The following FANCL variants were observed in gnomAD, a reference collection of about 807,000 sequenced individuals.
FANCL encodes the protein E3 ubiquitin-protein ligase FANCL.
FANCL carries 69 observed loss-of-function variants against 59.4 expected under a neutral mutation model. That is an observed-to-expected ratio of 1.16 (90% CI 0.96 to 1.42). The LOEUF (loss-of-function observed/expected upper bound fraction) is 1.42, where lower values mean the gene tolerates loss of function less well. Ranked by LOEUF, FANCL falls within the 40% of genes most tolerant of loss-of-function variation. FANCL has a pLI of 0.00. For synonymous variants in FANCL, 180 were observed against 147.1 expected (o/e 1.22, Z -1.62); for missense variants, 519 against 447.2 (o/e 1.16, Z -1.45).
chr2:58,238,623 T>G (rs1694237426), intron 1 of FANCL, among the ~76,000 whole-genome samples: 1 of 152,130 alleles, frequency 6.6e-6, no homozygotes, highest in Non-Finnish European at 1.5e-5. Context: ...AGACAACACC[T>G]AAAACTGATT....
intron 7 of FANCL, among the ~76,000 whole-genome samples, chr2:58,187,695 CT>C (rs1668574384): frequency 6.6e-6 from 1 of 151,964 alleles, no homozygotes; most frequent in African/African-American, 2.4e-5. Flanking sequence ...ATTTTGAAAA[CT>C]TTTTACACAT....
chr2:58,163,291 A>G (rs559028388), intron 9 of FANCL, 143 bp downstream of exon 9: 3 of 749,230 alleles, frequency 4.0e-6, no homozygotes, highest in Admixed American at 2.3e-5. Flanking sequence ...ATTACACTAC[A>G]TACTGGGCAA....
chr2:58,217,213 TATACACACACAC>T (rs1204980753), intron 5 of FANCL, among the ~76,000 whole-genome samples: 290 of 7,620 alleles, frequency 0.038, 1 homozygote, highest in South Asian at 0.09. Flanking sequence ...TATATATATA[TATACACACACAC>T]ACACACACAC....
chr2:58,215,056 C>T (rs1422107720), intron 5 of FANCL, among the ~76,000 whole-genome samples: 1 of 152,184 alleles, frequency 6.6e-6, no homozygotes, highest in Non-Finnish European at 1.5e-5. Flanking sequence ...CTGTCCTTGA[C>T]AAACCCTTTC....
chr2:58,181,475 T>G (rs116418157), intron 7 of FANCL, among the ~76,000 whole-genome samples: 3 of 152,056 alleles, frequency 2.0e-5, no homozygotes, highest in African/African-American at 4.8e-5. Flanking sequence ...CTGGAACTTA[T>G]GGAACACTTA....
intron 7 of FANCL, among the ~76,000 whole-genome samples, chr2:58,169,285 A>G (rs1423415835): frequency 6.6e-6 from 1 of 152,202 alleles, no homozygotes. Flanking sequence ...GTGGACCTCC[A>G]GCAAAATCCA....
chr2:58,231,542 T>C (rs1392855275), intron 2 of FANCL, among the ~76,000 whole-genome samples: 1 of 152,184 alleles, frequency 6.6e-6, no homozygotes, highest in Admixed American at 6.5e-5. Flanking sequence ...CTGGATTCCT[T>C]TTCCTCCATT....
chr2:58,165,824 T>C lies in FANCL; in HGVS notation c.591A>G (p.Leu197=), dbSNP rs1320380833. The change falls in exon 8 of 14, where the codon CTA becomes CTG. Residue 197 remains leucine (L), a synonymous_variant. Transcript: ENST00000233741. ...CATCCATAACATCCCAGAATGCCTTTAGTGATTCTATTGCTGCCAAAAACT... is the reference window on the plus strand; with the variant it reads ...CATCCATAACATCCCAGAATGCCTTCAGTGATTCTATTGCTGCCAAAAACT... ...YSQFLAAIES[L]KAFWDVMDEI... 2 of 1,614,088 alleles carry C rather than the reference T, an allele frequency of 1.2e-6. No homozygotes were observed. The highest frequency in any genetic ancestry group is 1.1e-5 in the South Asian group (1 of 91,082).
At chr2:58,190,354 T>C (rs966884340) in intron 7 of FANCL, among the ~76,000 whole-genome samples, 3 of 151,574 alleles carry the variant, frequency 2.0e-5, no homozygotes, top group Non-Finnish European at 1.5e-5. Flanking sequence ...AGAGTAACTA[T>C]AGCAATTCCA....
chr2:58,188,468 C>G (rs1688622840), intron 7 of FANCL, among the ~76,000 whole-genome samples: 1 of 151,278 alleles, frequency 6.6e-6, no homozygotes, highest in South Asian at 2.1e-4. Flanking sequence ...GAGATAGGGT[C>G]TCTCTGTCAC....
At chr2:58,219,067 GA>G (rs1692143518) in intron 5 of FANCL, among the ~76,000 whole-genome samples, 1 of 136,758 alleles carries the variant, frequency 7.3e-6, no homozygotes, top group Non-Finnish European at 1.5e-5. Flanking sequence ...GGACTCCTTG[GA>G]AAAATGGCTG....
intron 1 of FANCL, among the ~76,000 whole-genome samples, chr2:58,234,684 T>A (rs893619153): frequency 2.0e-5 from 3 of 152,058 alleles, no homozygotes; most frequent in African/African-American, 7.2e-5. Context: ...TCTTGAGATA[T>A]ATCTTAATCA....
At chr2:58,226,343 A>G (rs185595203) in intron 4 of FANCL, among the ~76,000 whole-genome samples, 3 of 152,224 alleles carry the variant, frequency 2.0e-5, no homozygotes, top group African/African-American at 7.2e-5. Context: ...ATGAAGCCTA[A>G]TAAGTTTTTC....
rs144057264 is a variant in FANCL at position 58,241,310 on chromosome 2, C to T, written c.4G>A (p.Ala2Thr). The change falls in exon 1 of 14, where the codon GCG becomes ACG. Residue 2 changes from alanine (A) to threonine (T), a missense_variant. Physicochemically the swap from Ala to Thr is moderately conservative, Grantham distance 58. Transcript: ENST00000233741. ...CGCAACAGGCTCGCTTCCGTCACCG[C>T]CATGGCTCGAAGTCCGGAGAAACAC... is the stretch of plus-strand genomic sequence containing the variant. MAVTEASLLRQC... is the reference protein window; with the variant it reads MTVTEASLLRQC... 4 of 1,614,138 alleles carry T rather than the reference C, an allele frequency of 2.5e-6. No individual in the cohort carries two copies. In the Admixed American group the frequency reaches 5.0e-5, roughly 20 times the overall value.
intron 7 of FANCL, among the ~76,000 whole-genome samples, chr2:58,180,054 T>C (rs1046856374): frequency 6.6e-6 from 1 of 152,138 alleles, no homozygotes; most frequent in South Asian, 2.1e-4. Flanking sequence ...ATGGCGATCA[T>C]TAAAAAGTCA....
chr2:58,180,540 C>T (rs2104954630), intron 7 of FANCL, among the ~76,000 whole-genome samples: 1 of 152,068 alleles, frequency 6.6e-6, no homozygotes, highest in East Asian at 1.9e-4. Flanking sequence ...GGAAATATCA[C>T]ACACCAGGGC....
intron 5 of FANCL, 102 bp from the exon 6 acceptor site, chr2:58,204,328 T>C (rs896958118): frequency 2.5e-5 from 22 of 894,960 alleles, no homozygotes; most frequent in East Asian, 1.4e-4. Flanking sequence ...TATATTCCTA[T>C]TAATCCATTA....
At chr2:58,164,720 TTAC>T (rs1032738686) in intron 8 of FANCL, among the ~76,000 whole-genome samples, 34 of 152,134 alleles carry the variant, frequency 2.2e-4, no homozygotes, top group African/African-American at 7.5e-4. Context: ...AAATAATGAT[TTAC>T]TACATTTCTT....
rs1217873666 is a variant in FANCL, at chr2:58,219,882, G to A, written c.374+2060C>T. 7.2e-5 allele frequency among the ~76,000 whole-genome samples: 11 copies of A among 152,190 alleles called. No homozygotes were observed. The East Asian group carries it at 2.1e-3, about 29-fold the overall frequency. On this transcript the variant is annotated intron_variant, in intron 5 of 13. Transcript: ENST00000233741. ...AACTTCTTTCATGGCTTCTCATAAA[G>A]ATAGTGCTATTATCATACAATGGAA...
Sources: gnomAD v4.1 joint callset for allele counts (sites outside exome capture counted in the v4.1 genomes callset) on GRCh38, gnomAD v4.1.1 for gene constraint, MANE v1.5 for transcripts, NCBI Gene and HGNC (gene_info 2026-07-23, HGNC 2026-07-21) for gene names.